TBX19: variants seen among roughly 807,000 people sequenced by gnomAD.
TBX19 encodes T-box transcription factor TBX19.
Under a neutral mutation model 40.9 loss-of-function variants are expected in TBX19, and 33 were observed. The ratio of observed to expected loss-of-function variants is 0.81; its 90% CI spans 0.61 to 1.08. TBX19 has a LOEUF of 1.08. TBX19 is among the 50% of genes least tolerant of loss of function. TBX19 has a pLI of 0.00. For missense variants in TBX19, 494 were observed against 574.0 expected (o/e 0.86, Z 1.42); for synonymous variants, 220 against 225.0 (o/e 0.98, Z 0.20).
intron 7 of TBX19, among the ~76,000 whole-genome samples, chr1:168,311,342 G>T (rs1399363129): frequency 3.9e-5 from 6 of 152,132 alleles, no homozygotes; most frequent in Non-Finnish European, 7.4e-5. Flanking sequence ...CTTCCTGAAG[G>T]TTCTGCAGTA....
intron 5 of TBX19, among the ~76,000 whole-genome samples, chr1:168,303,743 A>G (rs1299897675): frequency 6.6e-6 from 1 of 152,182 alleles, no homozygotes; most frequent in East Asian, 1.9e-4. Flanking sequence ...AGGGGCGGGC[A>G]ATTCCCACAG....
chr1:168,306,255 G>A (rs1333196638), intron 6 of TBX19, among the ~76,000 whole-genome samples: 1 of 152,106 alleles, frequency 6.6e-6, no homozygotes, highest in Non-Finnish European at 1.5e-5. Flanking sequence ...TCTTTCCTGC[G>A]GTCAGCATCA....
At chr1:168,289,342 TA>T (rs879914741) in intron 1 of TBX19, among the ~76,000 whole-genome samples, 11 of 152,054 alleles carry the variant, frequency 7.2e-5, no homozygotes, top group Non-Finnish European at 1.6e-4. Context: ...TAGGAGAAAA[TA>T]AAAGACAATA....
At chr1:168,281,803 G>A (rs535389120) in intron 1 of TBX19, among the ~76,000 whole-genome samples, 1 of 152,214 alleles carries the variant, frequency 6.6e-6, no homozygotes, top group Non-Finnish European at 1.5e-5. Flanking sequence ...CCCCGTGTGT[G>A]TTTGTGGTGA....
At chr1:168,287,391 TAG>T (rs1648830014) in intron 1 of TBX19, among the ~76,000 whole-genome samples, 1 of 152,244 alleles carries the variant, frequency 6.6e-6, no homozygotes, top group South Asian at 2.1e-4. Flanking sequence ...ATGGCTAAAG[TAG>T]CTTCTCATCC....
intron 3 of TBX19, 39 bp downstream of exon 3, chr1:168,293,317 G>A: frequency 6.4e-7 from 1 of 1,572,352 alleles, no homozygotes; most frequent in Non-Finnish European, 8.6e-7. Flanking sequence ...GTGTGTGTGT[G>A]TGTGTGTGTA....
At chr1:168,285,643 TCTTTCTCTCCAAGGAGG>T (rs1648786504) in intron 1 of TBX19, among the ~76,000 whole-genome samples, 1 of 152,228 alleles carries the variant, frequency 6.6e-6, no homozygotes, top group African/African-American at 2.4e-5. Context: ...CATTTTCCTC[TCTTTCTCTCCAAGGAGG>T]CTTTCTCTCC....
chr1:168,297,590 G>T (rs1435272917), intron 3 of TBX19, 134 bp from the exon 4 acceptor site: 1 of 785,124 alleles, frequency 1.3e-6, no homozygotes, highest in East Asian at 2.7e-5. Flanking sequence ...GGGATTACAG[G>T]CATAAGCCAT....
chr1:168,292,750 G>C (rs968507186), intron 2 of TBX19, among the ~76,000 whole-genome samples: 1 of 151,638 alleles, frequency 6.6e-6, no homozygotes, highest in Non-Finnish European at 1.5e-5. Flanking sequence ...TGTAGTCCCA[G>C]CTACTCGGGA....
rs1247793422 is a variant in TBX19, at chr1:168,281,477, C to T, written c.203+184C>T. Among the ~76,000 whole-genome samples, 3 of 152,210 alleles carry T rather than the reference C, an allele frequency of 2.0e-5. No individual in the cohort carries two copies. In the East Asian group the frequency reaches 5.8e-4, roughly 29 times the overall value. On this transcript the variant is annotated intron_variant, in intron 1 of 7. Coordinates refer to ENST00000367821, the MANE Select transcript of TBX19 (RefSeq NM_005149.3). ...ACTTAATTAATTTATCTGAGATCATCAGAGGATGAAGCCACCTGTCTTATG... is the reference window on the plus strand; with the variant it reads ...ACTTAATTAATTTATCTGAGATCATTAGAGGATGAAGCCACCTGTCTTATG...
At chr1:168,284,296 G>A (rs572060555) in intron 1 of TBX19, among the ~76,000 whole-genome samples, 9 of 152,260 alleles carry the variant, frequency 5.9e-5, no homozygotes, top group African/African-American at 2.2e-4. Flanking sequence ...TATCCAGCCA[G>A]TATTCCCTTT....
intron 1 of TBX19, among the ~76,000 whole-genome samples, chr1:168,290,551 C>T (rs1049278977): frequency 1.3e-5 from 2 of 152,158 alleles, no homozygotes; most frequent in African/African-American, 2.4e-5. Context: ...TAACATGTAA[C>T]CCTGTTCTTG....
rs367788816 is a variant in TBX19, at chr1:168,308,894, C to T, written c.1052+17C>T. The T allele has an allele frequency of 2.6e-5, 42 of 1,613,988 alleles. No homozygotes were observed. In the African/African-American group the frequency reaches 4.9e-4, roughly 19 times the overall value. ...AGGGCCCAGGTAAGACCAACACCAT[C>T]AACTCGCTCATTGGTCGTCTTGGGG... On this transcript the variant is annotated intron_variant, in intron 7 of 7. Coordinates refer to ENST00000367821, the MANE Select transcript of TBX19 (RefSeq NM_005149.3).
Position 168,313,373 on chromosome 1 carries a change from C to G in TBX19, c.*371C>G, listed in dbSNP as rs188457637. 1.6e-3 allele frequency: 509 copies of G among 326,326 alleles called. 3 individuals are homozygous for G. Among genetic ancestry groups the G allele is most frequent in the African/African-American group, 9.9e-3 (463 of 46,772 alleles). The allele number at this position is 326,326 out of a possible 1,614,324, so 20.2% of individuals were successfully genotyped here. ...AGCTGTTAAATGAGCTCAGAGTTTA[C>G]CTAGCTAAGGCCACTGCTTCCTGCT... On this transcript the variant is annotated 3_prime_UTR_variant, in exon 8 of 8. Coordinates refer to ENST00000367821, the MANE Select transcript of TBX19 (RefSeq NM_005149.3).
At position 168,280,938 on chromosome 1, in the gene TBX19, G is replaced by A; in HGVS notation, c.-153G>A. 1.4e-6 allele frequency: 1 copy of A among 738,852 alleles called. No individual in the cohort carries two copies. Among genetic ancestry groups the A allele is most frequent in the South Asian group, 1.5e-5 (1 of 66,734 alleles). The allele number at this position is 738,852 out of a possible 1,614,324, so 45.8% of individuals were successfully genotyped here. On this transcript the variant is annotated 5_prime_UTR_variant, in exon 1 of 8. Transcript: ENST00000367821. ...CATAATGTGGAGACTTTTAAGGGGT[G>A]TCATCCTAGGAGCTTAGGCAAGAGC... is the stretch of plus-strand genomic sequence containing the variant.
At chr1:168,310,494 A>G (rs1350811035) in intron 7 of TBX19, among the ~76,000 whole-genome samples, 1 of 151,854 alleles carries the variant, frequency 6.6e-6, no homozygotes, top group Non-Finnish European at 1.5e-5. Context: ...GGTGTTGCTG[A>G]TATTGCTGTG....
At chr1:168,306,003 C>A (rs1049157544) in intron 6 of TBX19, among the ~76,000 whole-genome samples, 7 of 152,170 alleles carry the variant, frequency 4.6e-5, no homozygotes, top group African/African-American at 1.7e-4. Context: ...AAAAGATTGA[C>A]AATAAAACAA....
intron 1 of TBX19, among the ~76,000 whole-genome samples, chr1:168,286,431 TAG>T (rs1648806919): frequency 1.3e-5 from 2 of 152,246 alleles, no homozygotes; most frequent in South Asian, 2.1e-4. Flanking sequence ...TCTGTTTCTA[TAG>T]AGTTACCTAT....
chr1:168,291,687 G>C (rs558715573), intron 2 of TBX19, among the ~76,000 whole-genome samples: 1 of 152,240 alleles, frequency 6.6e-6, no homozygotes, highest in South Asian at 2.1e-4. Flanking sequence ...TCATAGTTTC[G>C]TCTTGTGTGC....
Sources: gnomAD v4.1 joint callset for allele counts (sites outside exome capture counted in the v4.1 genomes callset) on GRCh38, gnomAD v4.1.1 for gene constraint, MANE v1.5 for transcripts, NCBI Gene and HGNC (gene_info 2026-07-23, HGNC 2026-07-21) for gene names.